The following CDH12 variants were observed in gnomAD, a reference collection of about 807,000 sequenced individuals.
CDH12 encodes the protein cadherin-12.
A neutral mutation model predicts 74.1 loss-of-function variants in CDH12; 41 were observed. That is an observed-to-expected ratio of 0.55 (90% CI 0.43 to 0.72). The LOEUF (loss-of-function observed/expected upper bound fraction) is 0.72. CDH12 is among the 30% of genes least tolerant of loss of function. CDH12 has a pLI of 0.00. For synonymous variants in CDH12, 399 were observed against 355.0 expected (o/e 1.12, Z -1.39); for missense variants, 945 against 977.2 (o/e 0.97, Z 0.44).
In CDH12 at chr5:21,765,099, C is replaced by A; in HGVS notation, c.1394G>T (p.Ser465Ile). 1 of 1,565,320 alleles carries A rather than the reference C, an allele frequency of 6.4e-7. No individual in the cohort carries two copies. The highest frequency in any genetic ancestry group is 8.6e-7 in the Non-Finnish European group (1 of 1,158,620). ...GACTTTGCTGGTCAATAAAGGGTTA[C>A]CTGTTAAAAACATATAAAGATAAAA... ...YNFSIIASKV[S>I]NPLLTSKVNI... is the part of the protein sequence containing the mutation. Residue 465 changes from serine (S) to isoleucine (I), a missense_variant and splice_region_variant, in exon 12 of 15, where the codon AGT becomes ATT. Physicochemically the swap from Ser to Ile is moderately radical, Grantham distance 142 (BLOSUM62 -2). Transcript: ENST00000382254.
chr5:21,816,183 CCTT>C (rs1275883744), intron 9 of CDH12, among the ~76,000 whole-genome samples: 6 of 152,250 alleles, frequency 3.9e-5, no homozygotes, highest in African/African-American at 9.6e-5. Flanking sequence ...TCCTCTTCCT[CCTT>C]CTCCTCAGCC....
intron 1 of CDH12, among the ~76,000 whole-genome samples, chr5:22,831,924 A>C (rs1736632413): frequency 6.6e-6 from 1 of 151,998 alleles, no homozygotes; most frequent in Non-Finnish European, 1.5e-5. Flanking sequence ...AATCCACATA[A>C]AATAATAGTA....
chr5:21,871,764 A>G (rs1365783098), intron 6 of CDH12, among the ~76,000 whole-genome samples: 1 of 152,052 alleles, frequency 6.6e-6, no homozygotes, highest in African/African-American at 2.4e-5. Flanking sequence ...AAATACCTAC[A>G]TACTCAATCT....
chr5:22,019,552 A>G (rs547187078), intron 5 of CDH12, among the ~76,000 whole-genome samples: 1 of 152,276 alleles, frequency 6.6e-6, no homozygotes, highest in South Asian at 2.1e-4. Context: ...AGAGGAAGAG[A>G]CTAGAGCTCT....
chr5:22,562,168 T>G (rs1028607806), intron 1 of CDH12, among the ~76,000 whole-genome samples: 2 of 151,762 alleles, frequency 1.3e-5, no homozygotes, highest in African/African-American at 4.8e-5. Context: ...ATACAAAAAA[T>G]TAGCCGGGCG....
chr5:21,865,103 T>C lies in CDH12; in HGVS notation c.527-10313A>G, dbSNP rs141924208. On this transcript the variant is annotated intron_variant, in intron 6 of 14. Coordinates refer to ENST00000382254, the MANE Select transcript of CDH12 (RefSeq NM_004061.5). ...AACTGGTAGAATTGTTTTCATATCC[T>C]AGGACTTTGTGGAAAGTAGAACTTA... Among the ~76,000 whole-genome samples, 39 of 152,316 alleles carry C rather than the reference T, an allele frequency of 2.6e-4. 1 individual carries two copies. Among genetic ancestry groups the C allele is most frequent in the Admixed American group, 7.8e-4 (12 of 15,300 alleles).
chr5:22,102,114 T>C (rs994204215), intron 4 of CDH12, among the ~76,000 whole-genome samples: 11 of 152,198 alleles, frequency 7.2e-5, no homozygotes, highest in Admixed American at 7.2e-4. Context: ...CACTGATAAT[T>C]GGATATTGGC....
At position 21,751,916 on chromosome 5, in the gene CDH12, G is replaced by A; in HGVS notation, c.2206C>T (p.Leu736=). The part of the protein sequence containing the change: ...VDPTAPPYDS[L]ATYAYEGSGS... Reference sequence around the variant, plus strand: ...CTCCCTTCGTAGGCATATGTGGCCAGTGAATCGTATGGTGGGGCAGTTGGA... The same window carrying A: ...CTCCCTTCGTAGGCATATGTGGCCAATGAATCGTATGGTGGGGCAGTTGGA... The change falls in exon 15 of 15, where the codon CTG becomes TTG. Residue 736 remains leucine, a synonymous_variant. Transcript: ENST00000382254. 1 of 1,614,098 alleles carries A rather than the reference G, an allele frequency of 6.2e-7. No individual in the cohort carries two copies. The highest frequency in any genetic ancestry group is 8.5e-7 in the Non-Finnish European group (1 of 1,179,996).
chr5:22,255,741 T>C (rs1753288351), intron 3 of CDH12, among the ~76,000 whole-genome samples: 1 of 151,888 alleles, frequency 6.6e-6, no homozygotes, highest in African/African-American at 2.4e-5. Flanking sequence ...GCAATACAAA[T>C]AACTGATCTA....
chr5:22,107,341 A>G (rs1370541625), intron 4 of CDH12, among the ~76,000 whole-genome samples: 2 of 151,766 alleles, frequency 1.3e-5, no homozygotes, highest in Middle Eastern at 6.4e-3. Flanking sequence ...TATGTTGGCC[A>G]GGCTGGTCTT....
At chr5:22,088,926 C>T (rs1406829134) in intron 4 of CDH12, among the ~76,000 whole-genome samples, 1 of 152,126 alleles carries the variant, frequency 6.6e-6, no homozygotes, top group Non-Finnish European at 1.5e-5. Flanking sequence ...GTGGCAGGAG[C>T]CCCACCTGCA....
chr5:22,025,865 AC>A (rs375338151), intron 5 of CDH12, among the ~76,000 whole-genome samples: 395 of 152,202 alleles, frequency 2.6e-3, no homozygotes, highest in Non-Finnish European at 4.7e-3. Flanking sequence ...CTTAAGAACA[AC>A]CCCTCATTCA....
chr5:22,733,358 A>T (rs1744527597), intron 1 of CDH12, among the ~76,000 whole-genome samples: 1 of 151,880 alleles, frequency 6.6e-6, no homozygotes, highest in South Asian at 2.1e-4. Flanking sequence ...AACTACGTTA[A>T]AAAAGGAGCA....
chr5:22,134,251 G>C (rs1252750358), intron 4 of CDH12, among the ~76,000 whole-genome samples: 1 of 131,226 alleles, frequency 7.6e-6, no homozygotes, highest in Non-Finnish European at 1.8e-5. Flanking sequence ...TGATTTGGAA[G>C]AAGGACAAGG....
intron 1 of CDH12, among the ~76,000 whole-genome samples, chr5:22,631,159 A>G (rs1738565520): frequency 6.6e-6 from 1 of 152,232 alleles, no homozygotes; most frequent in Non-Finnish European, 1.5e-5. Context: ...GGTTTTAGAG[A>G]AAAGGGAATG....
At chr5:22,405,667 A>G (rs1435863596) in intron 2 of CDH12, among the ~76,000 whole-genome samples, 2 of 152,200 alleles carry the variant, frequency 1.3e-5, no homozygotes, top group African/African-American at 2.4e-5. Flanking sequence ...ACGTGACTTA[A>G]TGGTGACAGA....
At chr5:22,696,111 G>A (rs776258923) in intron 1 of CDH12, among the ~76,000 whole-genome samples, 1 of 152,124 alleles carries the variant, frequency 6.6e-6, no homozygotes, top group South Asian at 2.1e-4. Context: ...GCTCATGCCT[G>A]TAATCCCTGC....
chr5:21,840,021 T>C (rs1340124804), intron 8 of CDH12, among the ~76,000 whole-genome samples: 2 of 152,152 alleles, frequency 1.3e-5, no homozygotes, highest in African/African-American at 4.8e-5. Flanking sequence ...TCATAGAAAC[T>C]ATAGCAATTT....
At chr5:21,833,150 A>T (rs185996176) in intron 8 of CDH12, among the ~76,000 whole-genome samples, 172 of 38,148 alleles carry the variant, frequency 4.5e-3, no homozygotes, top group Middle Eastern at 0.033. Flanking sequence ...ATATTATATA[A>T]CATATAATAT....
Sources: gnomAD v4.1 joint callset for allele counts (sites outside exome capture counted in the v4.1 genomes callset) on GRCh38, gnomAD v4.1.1 for gene constraint, MANE v1.5 for transcripts, NCBI Gene and HGNC (gene_info 2026-07-23, HGNC 2026-07-21) for gene names.